FKBP5: variants seen among roughly 807,000 people sequenced by gnomAD.
FKBP5 encodes peptidyl-prolyl cis-trans isomerase FKBP5.
FKBP5 carries 23 observed loss-of-function variants against 50.5 expected under a neutral mutation model. The ratio of observed to expected loss-of-function variants is 0.46; its 90% CI spans 0.33 to 0.65. FKBP5 has a LOEUF of 0.65. Ranked by LOEUF, FKBP5 falls within the 30% of genes least tolerant of loss-of-function variation. The pLI, the probability that FKBP5 is intolerant of heterozygous loss-of-function variation, is 0.02. For missense variants in FKBP5, 411 were observed against 553.1 expected (o/e 0.74, Z 2.58); for synonymous variants, 176 against 190.6 (o/e 0.92, Z 0.63).
At chr6:35,579,974 G>A in intron 9 of FKBP5, 62 bp downstream of exon 9, 1 of 1,261,658 alleles carries the variant, frequency 7.9e-7, no homozygotes, top group South Asian at 1.6e-5. Context: ...GGAAGCAAAA[G>A]ACAGAGATGG....
intron 1 of FKBP5, among the ~76,000 whole-genome samples, chr6:35,648,950 AAAAAAT>A (rs1764707550): frequency 6.6e-6 from 1 of 151,980 alleles, no homozygotes; most frequent in African/African-American, 2.4e-5. Context: ...ACTCCATCTC[AAAAAAT>A]AAAAATAAAA....
chr6:35,598,129 T>G (rs1157908709), intron 5 of FKBP5, among the ~76,000 whole-genome samples: 1 of 152,182 alleles, frequency 6.6e-6, no homozygotes, highest in Non-Finnish European at 1.5e-5. Context: ...TACCAAGCTC[T>G]TTCCCAGAGT....
At chr6:35,717,077 C>T (rs1254978661) in intron 2 of FKBP5, among the ~76,000 whole-genome samples, 1 of 152,202 alleles carries the variant, frequency 6.6e-6, no homozygotes, top group Non-Finnish European at 1.5e-5. Flanking sequence ...CCCGCCATCC[C>T]TATTCCTGCC....
At chr6:35,614,183 C>G (rs1222354579) in intron 5 of FKBP5, among the ~76,000 whole-genome samples, 1 of 152,028 alleles carries the variant, frequency 6.6e-6, no homozygotes, top group Non-Finnish European at 1.5e-5. Flanking sequence ...TGTGAGCCAC[C>G]ACGACTGGCT....
intron 2 of FKBP5, among the ~76,000 whole-genome samples, chr6:35,716,188 G>A (rs1318695485): frequency 2.6e-5 from 4 of 152,072 alleles, no homozygotes; most frequent in Admixed American, 6.6e-5. Context: ...CCTGGGCACT[G>A]TAGGGAGACC....
In FKBP5 at chr6:35,663,194, G is replaced by C. The variant is rs147985811; in HGVS notation, c.-19-20351C>G. ...CAGAGCCAGTGACCATGTGAGCTGA[G>C]GGGGAGGGCTTCTCACAGGGCAAAC... On this transcript the variant is annotated intron_variant, in intron 1 of 10. Coordinates refer to ENST00000357266, the MANE Select transcript of FKBP5 (RefSeq NM_004117.4). 5.2e-3 allele frequency among the ~76,000 whole-genome samples: 787 copies of C among 152,290 alleles called. 11 individuals carry two copies. Among genetic ancestry groups the C allele is most frequent in the African/African-American group, 0.017 (714 of 41,546 alleles).
At chr6:35,637,399 AG>A (rs1229665517) in intron 2 of FKBP5, among the ~76,000 whole-genome samples, 2 of 151,962 alleles carry the variant, frequency 1.3e-5, no homozygotes, top group Non-Finnish European at 2.9e-5. Flanking sequence ...ATTCCTTCAA[AG>A]AATTAACCAA....
At chr6:35,720,950 G>C (rs1766599966) in intron 1 of FKBP5, among the ~76,000 whole-genome samples, 1 of 152,206 alleles carries the variant, frequency 6.6e-6, no homozygotes, top group South Asian at 2.1e-4. Context: ...GAGGCTTAAA[G>C]TGGTAAAGTG....
intron 3 of FKBP5, among the ~76,000 whole-genome samples, chr6:35,626,788 G>A (rs1196034203): frequency 4.6e-5 from 7 of 152,222 alleles, no homozygotes; most frequent in Middle Eastern, 3.4e-3. Flanking sequence ...CTCAAGGTTC[G>A]TCCATGTTGT....
At chr6:35,693,687 AT>A (rs1259834625), upstream of FKBP5, among the ~76,000 whole-genome samples, 1 of 151,414 alleles carries the variant, frequency 6.6e-6, no homozygotes, top group Non-Finnish European at 1.5e-5. Context: ...CGCCCAGCTA[AT>A]TTTTTTATTT....
chr6:35,702,760 T>C (rs1418495554), intron 2 of FKBP5, among the ~76,000 whole-genome samples: 1 of 151,878 alleles, frequency 6.6e-6, no homozygotes. Flanking sequence ...CCATATAAAC[T>C]GATTTGTATC....
intron 1 of FKBP5, among the ~76,000 whole-genome samples, chr6:35,658,676 AAAT>A (rs1765025201): frequency 1.1e-5 from 1 of 88,270 alleles, no homozygotes; most frequent in African/African-American, 3.5e-5. Context: ...ATTGGTTTTC[AAAT>A]GTTAAACCAA....
intron 1 of FKBP5, among the ~76,000 whole-genome samples, chr6:35,659,324 T>C (rs2150998840): frequency 1.2e-5 from 1 of 80,148 alleles, no homozygotes; most frequent in African/African-American, 3.9e-5. Flanking sequence ...CTTGGCTCAC[T>C]GCAACCTCTG....
At chr6:35,676,861 G>GA (rs1262486441) in intron 1 of FKBP5, among the ~76,000 whole-genome samples, 1 of 152,106 alleles carries the variant, frequency 6.6e-6, no homozygotes, top group Non-Finnish European at 1.5e-5. Context: ...ATTTGGAAAG[G>GA]AATCAGGCCC....
chr6:35,679,974 T>C (rs1402625678), intron 1 of FKBP5, among the ~76,000 whole-genome samples: 1 of 152,132 alleles, frequency 6.6e-6, no homozygotes, highest in African/African-American at 2.4e-5. Context: ...ATAACTTTAT[T>C]ATTTTCATGA....
At chr6:35,628,014 C>G (rs182010316) in intron 3 of FKBP5, among the ~76,000 whole-genome samples, 1 of 149,422 alleles carries the variant, frequency 6.7e-6, no homozygotes, top group African/African-American at 2.5e-5. Flanking sequence ...CTCAGGTGAT[C>G]CGCCCGCCTC....
At chr6:35,606,112 G>A (rs1763305788) in intron 5 of FKBP5, among the ~76,000 whole-genome samples, 1 of 152,176 alleles carries the variant, frequency 6.6e-6, no homozygotes. Flanking sequence ...AGCTATCAAC[G>A]AAGCAGATGG....
At chr6:35,690,016 G>C (rs1765953777), upstream of FKBP5, among the ~76,000 whole-genome samples, 2 of 152,190 alleles carry the variant, frequency 1.3e-5, no homozygotes, top group Non-Finnish European at 2.9e-5. Context: ...CCCATAGCTA[G>C]TTACACGTGG....
intron 1 of FKBP5, among the ~76,000 whole-genome samples, chr6:35,652,277 G>C (rs979593030): frequency 9.2e-5 from 14 of 152,082 alleles, no homozygotes; most frequent in Non-Finnish European, 1.8e-4. Context: ...AATATGAAAT[G>C]TGGGCACCCT....
Sources: allele counts gnomAD v4.1 joint callset (sites outside exome capture counted in the v4.1 genomes callset), GRCh38; gene constraint gnomAD v4.1.1; transcripts MANE v1.5; gene names NCBI Gene and HGNC (gene_info 2026-07-23, HGNC 2026-07-21).